C11orf65: variants seen among roughly 807,000 people sequenced by gnomAD.
C11orf65 encodes protein MFI.
In C11orf65, 38 loss-of-function variants were observed where a neutral mutation model predicts 35.3. That is an observed-to-expected ratio of 1.08 (90% CI 0.83 to 1.41). The LOEUF (loss-of-function observed/expected upper bound fraction) is 1.41. Ranked by LOEUF, C11orf65 falls within the 40% of genes most tolerant of loss-of-function variation. The probability of loss-of-function intolerance (pLI) is 0.00; values close to 1 mark genes in which losing one functional copy is unlikely to be tolerated. For missense variants in C11orf65, 370 were observed against 367.1 expected (o/e 1.01, Z -0.06); for synonymous variants, 105 against 114.4 (o/e 0.92, Z 0.53).
At chr11:108,423,959 C>T (rs767045696) in intron 3 of C11orf65, among the ~76,000 whole-genome samples, 6 of 152,164 alleles carry the variant, frequency 3.9e-5, no homozygotes, top group Non-Finnish European at 8.8e-5. Context: ...GAAAAACAGG[C>T]ACTAAAAGGC....
chr11:108,439,819 G>A (rs575899117), intron 2 of C11orf65, among the ~76,000 whole-genome samples: 3 of 152,150 alleles, frequency 2.0e-5, no homozygotes, highest in Non-Finnish European at 4.4e-5. Context: ...TGGTTAGGAG[G>A]TTTTTGTTTA....
intron 3 of C11orf65, among the ~76,000 whole-genome samples, chr11:108,423,774 T>G (rs1303096290): frequency 1.3e-5 from 2 of 152,156 alleles, no homozygotes; most frequent in Non-Finnish European, 2.9e-5. Flanking sequence ...AAATAGGGTC[T>G]GGAGTGGAAC....
chr11:108,461,632 ATTTAT>A, intron 1 of C11orf65, 64 bp from the exon 2 acceptor site: 2 of 1,124,540 alleles, frequency 1.8e-6, no homozygotes, highest in Non-Finnish European at 2.5e-6. Flanking sequence ...ATTTTTATTT[ATTTAT>A]TTTTTTTAGA....
At chr11:108,441,571 C>A (rs990671739) in intron 2 of C11orf65, among the ~76,000 whole-genome samples, 9 of 152,194 alleles carry the variant, frequency 5.9e-5, no homozygotes, top group East Asian at 1.9e-4. Flanking sequence ...AGGCACCCCC[C>A]AGTAGGGGCA....
At position 108,325,242 on chromosome 11, in the gene C11orf65, TTACA is replaced by T. The variant is rs202074417; in HGVS notation, c.641-16175_641-16172del. 2,002 of 1,072,146 alleles carry T rather than the reference TTACA, an allele frequency of 1.9e-3. 43 individuals carry two copies. The African/African-American group carries it at 0.031, about 16-fold the overall frequency. 66.4% of individuals were successfully genotyped at this position (1,072,146 alleles called of 1,614,324 possible). On this transcript the variant is annotated intron_variant, in intron 6 of 6. Transcript: ENST00000525729. ...AATATTATATCGTAAGTTCCAGAAC[TTACA>T]TAGTTTTTTTTTTTTTTTTTTTCAT...
chr11:108,380,335 C>T (rs1192659969), downstream of C11orf65, among the ~76,000 whole-genome samples: 1 of 152,216 alleles, frequency 6.6e-6, no homozygotes, highest in African/African-American at 2.4e-5. Context: ...TAGAGATACA[C>T]ATGGATTCTT....
rs80000582 is a variant in C11orf65, at chr11:108,413,586, C to T, written c.175-6437G>A. Among the ~76,000 whole-genome samples the T allele has an allele frequency of 3.6e-3, 546 of 152,302 alleles. 1 individual carries two copies. Among genetic ancestry groups the T allele is most frequent in the African/African-American group, 0.012 (516 of 41,568 alleles). On this transcript the variant is annotated intron_variant, in intron 3 of 8. Coordinates refer to ENST00000393084, the MANE Select transcript of C11orf65 (RefSeq NM_152587.5). ...CCTGAACTTGAGTGGTAATAATAAG[C>T]ATCCTTGTCTTTTTCCAATTCTTAG...
chr11:108,440,036 T>C (rs1164541165), intron 2 of C11orf65, among the ~76,000 whole-genome samples: 2 of 152,214 alleles, frequency 1.3e-5, no homozygotes, highest in East Asian at 1.9e-4. Context: ...TGTCTCCTGG[T>C]ACTTAAAACA....
At chr11:108,433,970 G>T (rs976548303) in intron 2 of C11orf65, among the ~76,000 whole-genome samples, 2 of 152,204 alleles carry the variant, frequency 1.3e-5, no homozygotes, top group African/African-American at 4.8e-5. Context: ...AAAGAACATG[G>T]TTAGAAAATT....
At chr11:108,348,231 TAGAC>T (rs1475219200) in intron 2 of C11orf65, among the ~76,000 whole-genome samples, 1 of 151,822 alleles carries the variant, frequency 6.6e-6, no homozygotes, top group East Asian at 1.9e-4. Context: ...TGTATATATA[TAGAC>T]AGTTTAATAT....
intron 2 of C11orf65, among the ~76,000 whole-genome samples, chr11:108,360,849 G>A (rs2090645640): frequency 9.9e-6 from 1 of 101,112 alleles, no homozygotes; most frequent in South Asian, 4.0e-4. Flanking sequence ...CATACTGAAT[G>A]GGCAAAAACT....
intron 2 of C11orf65, among the ~76,000 whole-genome samples, chr11:108,369,737 A>G (rs980140580): frequency 3.3e-5 from 5 of 152,208 alleles, no homozygotes; most frequent in Non-Finnish European, 7.3e-5. Context: ...ATCCAAAAGC[A>G]GTGGTTCTTA....
chr11:108,338,797 T>C (rs2087141409), intron 2 of C11orf65, among the ~76,000 whole-genome samples: 1 of 152,266 alleles, frequency 6.6e-6, no homozygotes, highest in Admixed American at 6.5e-5. Context: ...CCAGTAATGT[T>C]ATTTTGAGAT....
At chr11:108,447,856 T>G (rs528490964) in intron 2 of C11orf65, among the ~76,000 whole-genome samples, 22 of 152,052 alleles carry the variant, frequency 1.4e-4, no homozygotes, top group Admixed American at 6.5e-4. Flanking sequence ...GCTGGTTTTT[T>G]GAAAAGATCA....
At chr11:108,371,003 C>T (rs1297828131) in intron 2 of C11orf65, among the ~76,000 whole-genome samples, 1 of 151,970 alleles carries the variant, frequency 6.6e-6, no homozygotes, top group Non-Finnish European at 1.5e-5. Context: ...TATAATTCTC[C>T]GGTGAGAATT....
chr11:108,395,132 T>TA (rs373893121), intron 6 of C11orf65, among the ~76,000 whole-genome samples: 4,225 of 142,094 alleles, frequency 0.03, 179 homozygotes, highest in African/African-American at 0.097. Flanking sequence ...CCTTAACTCT[T>TA]AAAAAAAAAA....
chr11:108,376,530 AAG>A (rs1382162709), intron 2 of C11orf65, among the ~76,000 whole-genome samples: 2 of 151,934 alleles, frequency 1.3e-5, no homozygotes, highest in Non-Finnish European at 2.9e-5. Flanking sequence ...TAAAGCAGGA[AAG>A]ATCCAAAATT....
chr11:108,310,765 T>C (rs2084086613), intron 6 of C11orf65, among the ~76,000 whole-genome samples: 1 of 152,198 alleles, frequency 6.6e-6, no homozygotes, highest in Non-Finnish European at 1.5e-5. Flanking sequence ...ATAATGTGAC[T>C]GATTTATTTC....
At chr11:108,460,399 T>C (rs536004949) in intron 2 of C11orf65, among the ~76,000 whole-genome samples, 1 of 152,284 alleles carries the variant, frequency 6.6e-6, no homozygotes, top group South Asian at 2.1e-4. Context: ...GAATATTCCT[T>C]ACACCTATAA....
Sources: allele counts gnomAD v4.1 joint callset (sites outside exome capture counted in the v4.1 genomes callset), GRCh38; gene constraint gnomAD v4.1.1; transcripts MANE v1.5; gene names NCBI Gene and HGNC (gene_info 2026-07-23, HGNC 2026-07-21).